Variants in ABHD16A observed in about 807,000 individuals in gnomAD.
The protein encoded by ABHD16A is abhydrolase domain containing 16A, phospholipase.
In ABHD16A, 47 loss-of-function variants were observed where a neutral mutation model predicts 89.8. That is an observed-to-expected ratio of 0.52 (90% confidence interval 0.41 to 0.67). ABHD16A has a LOEUF of 0.67. ABHD16A is among the 30% of genes least tolerant of loss of function. The pLI, the probability that ABHD16A is intolerant of heterozygous loss-of-function variation, is 0.00. For missense variants in ABHD16A, 580 were observed against 734.6 expected, an observed-to-expected ratio of 0.79 and a Z score of 2.43; for synonymous variants, 251 against 280.4, an observed-to-expected ratio of 0.90 and a Z score of 1.05.
In ABHD16A at chr6:31,696,942, T is replaced by C; in HGVS notation, c.429+6A>G. 1 of 1,612,312 alleles carries C rather than the reference T, an allele frequency of 6.2e-7. No homozygotes were observed. The highest frequency in any genetic ancestry group is 8.5e-7 in the Non-Finnish European group (1 of 1,179,300). On this transcript the variant is annotated splice_donor_region_variant and intron_variant, in intron 5 of 19. Transcript: ENST00000395952. ...CCTGTGTGGCACTTTTCCTAGGGCC[T>C]CTCACCTTGTTTTCTGAAGACTGGT...
At position 31,690,344 on chromosome 6, in the gene ABHD16A, A is replaced by G. The variant is rs1179230051; in HGVS notation, c.907+195T>C. 4 of 694,518 alleles carry G rather than the reference A, an allele frequency of 5.8e-6. No homozygotes were observed. Among genetic ancestry groups the G allele is most frequent in the Non-Finnish European group, 9.8e-6 (4 of 406,422 alleles). 43.0% of individuals were successfully genotyped at this position (694,518 alleles called of 1,614,324 possible). A position where few individuals can be genotyped will look rare whatever the true frequency, so the allele number is the denominator to read the frequency against. ...GGGGGAATGGAACAGAATGAAAAGC[A>G]TAATAGCTAGGGACACAGGCCAGGG... On this transcript the variant is annotated intron_variant, in intron 10 of 19. Coordinates refer to ENST00000395952, the MANE Select transcript of ABHD16A (RefSeq NM_021160.3). The surrounding 1 kb of genome is among the most constrained non-coding windows in gnomAD (Gnocchi z 4.1).
Position 31,691,867 on chromosome 6 carries a change from C to A in ABHD16A, c.678G>T (p.Val226=). 6.2e-7 allele frequency: 1 copy of A among 1,611,590 alleles called. No individual in the cohort carries two copies. The change falls in exon 8 of 20, where the codon GTG becomes GTT. Residue 226 remains valine (V), a synonymous_variant. Coordinates refer to ENST00000395952, the MANE Select transcript of ABHD16A (RefSeq NM_021160.3). ...LGRRMLYPGS[V]YLLQKALMPV... The stretch of plus-strand genomic sequence containing the variant: ...GCATGAGGGCCTTCTGCAGCAGGTA[C>A]ACAGAGCCTGGATACAGCATCCGGC...
At position 31,691,890 on chromosome 6, in the gene ABHD16A, G is replaced by A. The variant is rs143890949; in HGVS notation, c.655C>T (p.Arg219Trp). The change falls in exon 8 of 20, where the codon CGG becomes TGG. Residue 219 changes from arginine to tryptophan, a missense_variant. Arg to Trp is a moderately radical substitution (Grantham distance 101). Coordinates refer to ENST00000395952, the MANE Select transcript of ABHD16A (RefSeq NM_021160.3). ...SYLVAHTLGR[R>W]MLYPGSVYLL... ...TACACAGAGCCTGGATACAGCATCC[G>A]GCGCCCTAGGGTGTGCGCCACCAGG... The A allele has an allele frequency of 1.1e-5, 18 of 1,610,036 alleles. No homozygotes were observed. The African/African-American group carries it at 2.1e-4, about 19-fold the overall frequency.
intron 4 of ABHD16A, among the ~76,000 whole-genome samples, chr6:31,699,278 G>A (rs1380029184): frequency 6.6e-6 from 1 of 151,882 alleles, no homozygotes; most frequent in Non-Finnish European, 1.5e-5. Flanking sequence ...GTGTGGTGGT[G>A]GGCGCCTGTA....
In ABHD16A at chr6:31,687,361, C is replaced by T; in HGVS notation, c.1594-66G>A. 1 of 1,595,616 alleles carries T rather than the reference C, an allele frequency of 6.3e-7. No individual in the cohort carries two copies. Among genetic ancestry groups the T allele is most frequent in the Non-Finnish European group, 8.6e-7 (1 of 1,164,960 alleles). On this transcript the variant is annotated intron_variant, in intron 19 of 19. Coordinates refer to ENST00000395952, the MANE Select transcript of ABHD16A (RefSeq NM_021160.3). The surrounding 1 kb of genome is among the most constrained non-coding windows in gnomAD (Gnocchi z 6.3). ...TTGGGAGGGGCAGCCACTGGACTCC[C>T]TCCCCACCCTCCACTTCCGCATCCA...
At chr6:31,699,808 A>G (rs1320524869) in intron 4 of ABHD16A, among the ~76,000 whole-genome samples, 1 of 152,076 alleles carries the variant, frequency 6.6e-6, no homozygotes. Flanking sequence ...CAGTAGCGCA[A>G]TCTTGGCTCA....
At chr6:31,691,952 T>C (rs763316086) in intron 7 of ABHD16A, 34 bp from the exon 8 acceptor site, 16 of 1,535,584 alleles carry the variant, frequency 1.0e-5, no homozygotes, top group Non-Finnish European at 8.0e-6. Context: ...ACCCCAACCC[T>C]GTTGAGGCCT....
rs754045093 is a variant in ABHD16A at position 31,701,271 on chromosome 6, G to T, written c.256+3C>A. The stretch of plus-strand genomic sequence containing the variant: ...ACCCCACCACCTTTGAAACCACACT[G>T]ACCTTTCCTGTACAAGTAGAAGAAG... On this transcript the variant is annotated splice_donor_region_variant and intron_variant, in intron 3 of 19. Coordinates refer to ENST00000395952, the MANE Select transcript of ABHD16A (RefSeq NM_021160.3). The T allele has an allele frequency of 6.2e-7, 1 of 1,612,182 alleles. No homozygotes were observed. Among genetic ancestry groups the T allele is most frequent in the East Asian group, 2.2e-5 (1 of 44,820 alleles).
At position 31,687,296 on chromosome 6, in the gene ABHD16A, C is replaced by T; in HGVS notation, c.1594-1G>A. 1.2e-6 allele frequency: 2 copies of T among 1,612,910 alleles called. No individual in the cohort carries two copies. The highest frequency in any genetic ancestry group is 1.7e-6 in the Non-Finnish European group (2 of 1,179,958). On this transcript the variant is annotated splice_acceptor_variant, in intron 19 of 19. Coordinates refer to ENST00000395952, the MANE Select transcript of ABHD16A (RefSeq NM_021160.3). LOFTEE classifies it high-confidence loss of function. This position sits in a 1 kb window ranked among gnomAD's most constrained non-coding sequence, Gnocchi z 6.3. ...CAAAGTTGTGCAGATGCTTCCGAGC[C>T]TGAGGAAAGGAGGTGGGACAGGTGG...
rs759664145 is a variant in ABHD16A, at chr6:31,693,925, G to T, written c.430-493C>A. Among the ~76,000 whole-genome samples, 4 of 152,214 alleles carry T rather than the reference G, an allele frequency of 2.6e-5. No individual in the cohort carries two copies. Among genetic ancestry groups the T allele is most frequent in the African/African-American group, 4.8e-5 (2 of 41,454 alleles). On this transcript the variant is annotated intron_variant, in intron 5 of 19. Transcript: ENST00000395952. This position sits in a 1 kb window ranked among gnomAD's most constrained non-coding sequence, Gnocchi z 5.0. ...ACAGTGGGCTCCTCTGCCATGTGGG[G>T]CCACCCGTTGAAGGAAGCTCTGACT...
Position 31,703,282 on chromosome 6 carries a change from G to A in ABHD16A, c.-1C>T. 7.4e-7 allele frequency: 1 copy of A among 1,349,678 alleles called. No individual in the cohort carries two copies. Among genetic ancestry groups the A allele is most frequent in the Non-Finnish European group, 9.6e-7 (1 of 1,038,502 alleles). The allele number at this position is 1,349,678 out of a possible 1,614,324, so 83.6% of individuals were successfully genotyped here. A position where few individuals can be genotyped will look rare whatever the true frequency, so the allele number is the denominator to read the frequency against. ...GGACGCAGCTCAGCAGCTTCGCCAT[G>A]GCCCCGGCTCGGGCCGCTGCTCTTC... On this transcript the variant is annotated 5_prime_UTR_variant, in exon 1 of 20. Transcript: ENST00000395952.
chr6:31,702,756 C>A, intron 1 of ABHD16A: 3 of 1,515,464 alleles, frequency 2.0e-6, no homozygotes, highest in Non-Finnish European at 2.6e-6. Flanking sequence ...AAAAACAGAG[C>A]CGGGGGAGGC....
chr6:31,693,535 A>G lies in ABHD16A; in HGVS notation c.430-103T>C. 9.1e-7 allele frequency: 1 copy of G among 1,095,374 alleles called. No individual in the cohort carries two copies. Among genetic ancestry groups the G allele is most frequent in the Admixed American group, 2.0e-5 (1 of 49,888 alleles). 67.9% of individuals were successfully genotyped at this position (1,095,374 alleles called of 1,614,324 possible). A position where few individuals can be genotyped will look rare whatever the true frequency, so the allele number is the denominator to read the frequency against. On this transcript the variant is annotated intron_variant, in intron 5 of 19. Transcript: ENST00000395952. This position sits in a 1 kb window ranked among gnomAD's most constrained non-coding sequence, Gnocchi z 5.0. ...TTATCCAGGGGTCTGATCCCCACAC[A>G]TCATGGGGAAACCAAGCGGAGGTCA...
At position 31,688,237 on chromosome 6, in the gene ABHD16A, C is replaced by CCACG. The variant is rs9281554; in HGVS notation, c.1307+8_1307+11dup. 10,018 of 1,613,848 alleles carry CCACG rather than the reference C, an allele frequency of 6.2e-3. 54 individuals carry two copies. Among genetic ancestry groups the CCACG allele is most frequent in the Non-Finnish European group, 7.0e-3 (8,202 of 1,179,796 alleles). ...CTGGGGTTCCTGAGGGCCGAGATTC[C>CCACG]CACGCACTCACGTGGTGGTGATGAT... On this transcript the variant is annotated intron_variant, in intron 15 of 19. Transcript: ENST00000395952. The surrounding 1 kb of genome is among the most constrained non-coding windows in gnomAD (Gnocchi z 4.9).
chr6:31,687,408 C>A lies in ABHD16A; in HGVS notation c.1593+90G>T. Reference sequence around the variant, plus strand: ...TCCACCACCCACTCTACAAAAGCTGCCACTTCCAATGCTTATAGGGTATCC... The same window carrying A: ...TCCACCACCCACTCTACAAAAGCTGACACTTCCAATGCTTATAGGGTATCC... On this transcript the variant is annotated intron_variant, in intron 19 of 19. Coordinates refer to ENST00000395952, the MANE Select transcript of ABHD16A (RefSeq NM_021160.3). This position sits in a 1 kb window ranked among gnomAD's most constrained non-coding sequence, Gnocchi z 6.3. The A allele has an allele frequency of 6.2e-7, 1 of 1,607,174 alleles. No homozygotes were observed. The highest frequency in any genetic ancestry group is 8.5e-7 in the Non-Finnish European group (1 of 1,174,856).
chr6:31,701,170 G>T (rs1804948931), intron 3 of ABHD16A, 104 bp downstream of exon 3: 1 of 1,373,470 alleles, frequency 7.3e-7, no homozygotes, highest in Non-Finnish European at 1.0e-6. Context: ...ATGGAAGAGG[G>T]AAGCCAAGCC....
rs780406466 is a variant in ABHD16A, at chr6:31,703,320, C to T, written c.-39G>A. The T allele has an allele frequency of 2.3e-6, 3 of 1,330,276 alleles. No individual in the cohort carries two copies. Among genetic ancestry groups the T allele is most frequent in the South Asian group, 2.3e-5 (1 of 43,122 alleles). 82.4% of individuals were successfully genotyped at this position (1,330,276 alleles called of 1,614,324 possible). A position where few individuals can be genotyped will look rare whatever the true frequency, so the allele number is the denominator to read the frequency against. On this transcript the variant is annotated 5_prime_UTR_variant, in exon 1 of 20. Coordinates refer to ENST00000395952, the MANE Select transcript of ABHD16A (RefSeq NM_021160.3). ...GCCGCTGCTCTTCCAGCAGCAGGTC[C>T]CCCTGCCGGCCCCGCCCTCCCTGCC...
intron 4 of ABHD16A, among the ~76,000 whole-genome samples, chr6:31,699,589 TG>T (rs904991156): frequency 9.2e-5 from 14 of 151,982 alleles, no homozygotes; most frequent in Admixed American, 1.3e-4. Context: ...TTTGTTTATC[TG>T]GAGACAGAGT....
At chr6:31,696,335 GAA>G (rs565099419) in intron 5 of ABHD16A, among the ~76,000 whole-genome samples, 4 of 123,004 alleles carry the variant, frequency 3.3e-5, no homozygotes, top group Non-Finnish European at 1.8e-5. Flanking sequence ...TCTCAAAGAA[GAA>G]AAAAAAAAAA....
Sources: gnomAD v4.1 joint callset for allele counts (sites outside exome capture counted in the v4.1 genomes callset) on GRCh38, gnomAD v4.1.1 for gene constraint, Gnocchi (gnomAD v3.1) non-coding constraint, MANE v1.5 for transcripts, NCBI Gene and HGNC (gene_info 2026-07-23, HGNC 2026-07-21) for gene names.